SLC2A13: variants seen among roughly 807,000 people sequenced by gnomAD.
SLC2A13 encodes the protein proton myo-inositol cotransporter.
Under a neutral mutation model 64.4 loss-of-function variants are expected in SLC2A13, and 32 were observed. That is an observed-to-expected ratio of 0.50 (90% confidence interval 0.37 to 0.67). SLC2A13 has a LOEUF of 0.67. Ranked by LOEUF, SLC2A13 falls within the 30% of genes least tolerant of loss-of-function variation. The pLI is 0.00. For synonymous variants in SLC2A13, 338 were observed against 327.1 expected, an observed-to-expected ratio of 1.03 and a Z score of -0.36; for missense variants, 743 against 829.2, an observed-to-expected ratio of 0.90 and a Z score of 1.28.
At chr12:39,797,742 A>AC in intron 7 of SLC2A13, among the ~76,000 whole-genome samples, 1 of 122,800 alleles carries the variant, frequency 8.1e-6, no homozygotes, top group East Asian at 2.3e-4. Context: ...ACACACACAC[A>AC]CACACACACA....
chr12:40,104,517 C>T (rs1362631613), intron 1 of SLC2A13, among the ~76,000 whole-genome samples: 1 of 151,946 alleles, frequency 6.6e-6, no homozygotes, highest in Admixed American at 6.6e-5. Context: ...GTGAATATGA[C>T]CTTTAATAGA....
chr12:40,094,056 T>C (rs1193107416), intron 1 of SLC2A13, among the ~76,000 whole-genome samples: 1 of 152,006 alleles, frequency 6.6e-6, no homozygotes, highest in Non-Finnish European at 1.5e-5. Context: ...TCAGGGTGAT[T>C]GTAGTGGAAG....
intron 6 of SLC2A13, among the ~76,000 whole-genome samples, chr12:39,832,775 T>C (rs11611143): frequency 0.012 from 1,889 of 152,232 alleles, 15 homozygotes; most frequent in Non-Finnish European, 0.021. Context: ...TTCAATATCC[T>C]GAATTTCCCT....
chr12:40,061,381 A>C (rs1948419540), intron 1 of SLC2A13, among the ~76,000 whole-genome samples: 1 of 152,160 alleles, frequency 6.6e-6, no homozygotes, highest in African/African-American at 2.4e-5. Flanking sequence ...CAAACAGAGA[A>C]AAGTCTAAAC....
intron 7 of SLC2A13, among the ~76,000 whole-genome samples, chr12:39,822,977 A>G (rs1416244158): frequency 3.9e-5 from 6 of 152,216 alleles, no homozygotes; most frequent in Non-Finnish European, 8.8e-5. Context: ...TTGCAACATA[A>G]ATAGTATCCG....
rs138416175 is a variant in SLC2A13, at chr12:39,973,097, C to T, written c.926-21732G>A. ...AATCAATCAATCAATGTCTCTATAC[C>T]TTTTACTTCCACTTTCTTGCCTCTA... On this transcript the variant is annotated intron_variant, in intron 3 of 9. Coordinates refer to ENST00000280871, the MANE Select transcript of SLC2A13 (RefSeq NM_052885.4). Among the ~76,000 whole-genome samples the T allele has an allele frequency of 5.6e-3, 845 of 152,166 alleles. 10 individuals carry two copies. The highest frequency in any genetic ancestry group is 0.017 in the African/African-American group (722 of 41,528).
At chr12:40,100,033 T>A (rs1407204494) in intron 1 of SLC2A13, among the ~76,000 whole-genome samples, 5 of 152,156 alleles carry the variant, frequency 3.3e-5, no homozygotes, top group Non-Finnish European at 1.5e-5. Context: ...CAACATTGCA[T>A]TTTTTTGATC....
intron 4 of SLC2A13, chr12:39,949,800 T>C (rs1299100655): frequency 6.6e-6 from 1 of 152,180 alleles, no homozygotes; most frequent in Non-Finnish European, 1.5e-5. Flanking sequence ...CGAATTCACA[T>C]AGGATTATTA....
intron 1 of SLC2A13, among the ~76,000 whole-genome samples, chr12:40,065,033 T>C (rs1485308867): frequency 2.0e-5 from 3 of 152,164 alleles, no homozygotes; most frequent in South Asian, 4.1e-4. Flanking sequence ...ATACTGTATA[T>C]ACTGATACCA....
intron 2 of SLC2A13, among the ~76,000 whole-genome samples, chr12:40,045,090 C>T (rs1332307017): frequency 6.6e-6 from 1 of 152,056 alleles, no homozygotes; most frequent in African/African-American, 2.4e-5. Flanking sequence ...TATTTGCTAC[C>T]AGACGCTGAA....
intron 6 of SLC2A13, among the ~76,000 whole-genome samples, chr12:39,844,642 A>G (rs1372829213): frequency 6.6e-6 from 1 of 152,070 alleles, no homozygotes. Context: ...GATCAAACTC[A>G]TTTAAACACA....
chr12:39,817,627 T>G (rs1276062435), intron 7 of SLC2A13, among the ~76,000 whole-genome samples: 3 of 152,210 alleles, frequency 2.0e-5, no homozygotes, highest in Admixed American at 2.0e-4. Flanking sequence ...ACGAAAAAGT[T>G]AGCTGTACAC....
intron 3 of SLC2A13, among the ~76,000 whole-genome samples, chr12:39,954,266 T>C (rs1389505706): frequency 2.0e-5 from 3 of 152,134 alleles, no homozygotes; most frequent in Non-Finnish European, 4.4e-5. Context: ...TGGTGTTTCC[T>C]TGAGTTGAAA....
At chr12:39,881,955 T>A (rs917608439) in intron 4 of SLC2A13, among the ~76,000 whole-genome samples, 1 of 152,060 alleles carries the variant, frequency 6.6e-6, no homozygotes, top group African/African-American at 2.4e-5. Flanking sequence ...CCACACAACA[T>A]CTGAGTCTCT....
At chr12:39,797,773 CACAT>C (rs1941632159) in intron 7 of SLC2A13, among the ~76,000 whole-genome samples, 1 of 152,030 alleles carries the variant, frequency 6.6e-6, no homozygotes, top group Non-Finnish European at 1.5e-5. Context: ...CACACACACA[CACAT>C]ACACGGATGC....
chr12:39,840,113 C>T (rs1566851276), intron 6 of SLC2A13, among the ~76,000 whole-genome samples: 1 of 152,004 alleles, frequency 6.6e-6, no homozygotes, highest in Non-Finnish European at 1.5e-5. Flanking sequence ...CTCACTGCAA[C>T]CTCCGCCTCC....
At chr12:39,863,690 A>G (rs1943824397) in intron 6 of SLC2A13, among the ~76,000 whole-genome samples, 2 of 152,176 alleles carry the variant, frequency 1.3e-5, no homozygotes, top group African/African-American at 4.8e-5. Context: ...TAAAAAGACT[A>G]TGAAAGTCAG....
chr12:39,850,154 T>C (rs886753736), intron 6 of SLC2A13, among the ~76,000 whole-genome samples: 2 of 152,110 alleles, frequency 1.3e-5, no homozygotes, highest in Non-Finnish European at 2.9e-5. Context: ...CCTTCCACAA[T>C]AATAAAGGAG....
At chr12:39,889,261 A>G (rs1944542656) in intron 4 of SLC2A13, among the ~76,000 whole-genome samples, 1 of 152,054 alleles carries the variant, frequency 6.6e-6, no homozygotes, top group African/African-American at 2.4e-5. Context: ...ATTTGTTATC[A>G]ATATAACATT....
Sources: allele counts gnomAD v4.1 joint callset (sites outside exome capture counted in the v4.1 genomes callset), GRCh38; gene constraint gnomAD v4.1.1; transcripts MANE v1.5; gene names NCBI Gene and HGNC (gene_info 2026-07-23, HGNC 2026-07-21).